KCNH1: variants seen among roughly 807,000 people sequenced by gnomAD.
The protein encoded by KCNH1 is potassium voltage-gated channel subfamily H member 1, also known as voltage-gated delayed rectifier potassium channel KCNH1.
In KCNH1, 27 loss-of-function variants were observed where a neutral mutation model predicts 69.2. The ratio of observed to expected loss-of-function variants is 0.39; its 90% CI spans 0.29 to 0.54. KCNH1 has a LOEUF of 0.54. Among genes scored for constraint, KCNH1 ranks in the 20% least tolerant of loss-of-function variants. The pLI, the probability that KCNH1 is intolerant of heterozygous loss-of-function variation, is 0.68. For synonymous variants in KCNH1, 456 were observed against 487.7 expected, an observed-to-expected ratio of 0.93 and a Z score of 0.86; for missense variants, 798 against 1,261.6, an observed-to-expected ratio of 0.63 and a Z score of 5.57.
chr1:211,021,200 T>C (rs973520105), intron 5 of KCNH1, among the ~76,000 whole-genome samples: 6 of 152,064 alleles, frequency 3.9e-5, no homozygotes, highest in African/African-American at 1.4e-4. Context: ...CAAAATTGGG[T>C]TCAGTGTATA....
intron 9 of KCNH1, among the ~76,000 whole-genome samples, chr1:210,797,196 C>T (rs1025803751): frequency 3.9e-5 from 6 of 152,202 alleles, no homozygotes; most frequent in Admixed American, 2.6e-4. Context: ...AGCCTTCCCA[C>T]TTGAATACTG....
intron 6 of KCNH1, among the ~76,000 whole-genome samples, chr1:211,000,855 A>G (rs1162605873): frequency 2.0e-5 from 3 of 152,072 alleles, no homozygotes; most frequent in Non-Finnish European, 2.9e-5. Flanking sequence ...CAGAAATAAT[A>G]CCACAAATCT....
intron 3 of KCNH1, among the ~76,000 whole-genome samples, chr1:211,102,441 G>A (rs1420082927): frequency 6.6e-6 from 1 of 152,112 alleles, no homozygotes; most frequent in Admixed American, 6.5e-5. Flanking sequence ...TAATAGTGGG[G>A]TGGGAACTAG....
intron 10 of KCNH1, among the ~76,000 whole-genome samples, chr1:210,757,570 G>A (rs1314777443): frequency 6.6e-6 from 1 of 152,198 alleles, no homozygotes; most frequent in Non-Finnish European, 1.5e-5. Flanking sequence ...CAAATCTCCA[G>A]TCAAGCTGGC....
chr1:210,970,061 T>A (rs1267068430), intron 6 of KCNH1, among the ~76,000 whole-genome samples: 1 of 152,062 alleles, frequency 6.6e-6, no homozygotes, highest in Non-Finnish European at 1.5e-5. Context: ...CACACCAAAC[T>A]AATTTTGTTT....
intron 10 of KCNH1, among the ~76,000 whole-genome samples, chr1:210,696,467 C>T (rs1681641865): frequency 6.6e-6 from 1 of 152,188 alleles, no homozygotes; most frequent in Non-Finnish European, 1.5e-5. Context: ...TTTCTGTTTT[C>T]CTGACTGGGT....
chr1:210,813,211 A>G (rs1049476889), intron 7 of KCNH1, among the ~76,000 whole-genome samples: 1 of 152,202 alleles, frequency 6.6e-6, no homozygotes. Context: ...AGTAACCTGA[A>G]TTGAATTAAA....
At chr1:210,743,430 C>T (rs958945864) in intron 10 of KCNH1, among the ~76,000 whole-genome samples, 1 of 152,180 alleles carries the variant, frequency 6.6e-6, no homozygotes, top group African/African-American at 2.4e-5. Flanking sequence ...CTGATCACCA[C>T]CTTAGCCTTG....
chr1:210,723,550 C>A (rs558800804), intron 10 of KCNH1, among the ~76,000 whole-genome samples: 11 of 152,258 alleles, frequency 7.2e-5, no homozygotes, highest in Non-Finnish European at 1.5e-4. Flanking sequence ...AGTTAGCAAC[C>A]CTGATGCCTT....
At chr1:211,029,342 A>AAC (rs1472218647) in intron 5 of KCNH1, among the ~76,000 whole-genome samples, 2 of 147,514 alleles carry the variant, frequency 1.4e-5, no homozygotes, top group Non-Finnish European at 3.0e-5. Context: ...CTTAAAAAAA[A>AAC]AAAAAAAAAA....
chr1:211,096,369 A>T (rs1371177029), intron 3 of KCNH1, among the ~76,000 whole-genome samples: 1 of 151,986 alleles, frequency 6.6e-6, no homozygotes, highest in Non-Finnish European at 1.5e-5. Context: ...TGGCCCCAAA[A>T]CTATCACTTT....
intron 5 of KCNH1, among the ~76,000 whole-genome samples, chr1:211,023,152 AAATAAATAAATT>A (rs201353335): frequency 0.11 from 13,681 of 125,470 alleles, 1,227 homozygotes; most frequent in East Asian, 0.42. Context: ...ATAAATAAAT[AAATAAATAAATT>A]AAAAATGCTG....
chr1:210,871,931 T>C (rs1053147329), intron 7 of KCNH1, among the ~76,000 whole-genome samples: 24 of 144,880 alleles, frequency 1.7e-4, no homozygotes, highest in African/African-American at 3.3e-4. Context: ...AGGGATAGCA[T>C]TGGGAGATAT....
intron 6 of KCNH1, among the ~76,000 whole-genome samples, chr1:210,965,958 G>T (rs1180971327): frequency 1.3e-5 from 2 of 152,130 alleles, no homozygotes; most frequent in Non-Finnish European, 2.9e-5. Context: ...AAAGCTGGAG[G>T]TATCACGCTA....
At chr1:210,754,965 G>A (rs552954141) in intron 10 of KCNH1, among the ~76,000 whole-genome samples, 1 of 152,196 alleles carries the variant, frequency 6.6e-6, no homozygotes, top group East Asian at 1.9e-4. Context: ...CAAACTTCCA[G>A]CCATGGGTGT....
intron 9 of KCNH1, among the ~76,000 whole-genome samples, chr1:210,788,286 G>A (rs1416561586): frequency 6.6e-6 from 1 of 152,050 alleles, no homozygotes; most frequent in Non-Finnish European, 1.5e-5. Context: ...ACTCATATAT[G>A]CATTTTGATC....
intron 10 of KCNH1, among the ~76,000 whole-genome samples, chr1:210,746,412 G>T (rs968958247): frequency 6.6e-6 from 1 of 152,074 alleles, no homozygotes; most frequent in Non-Finnish European, 1.5e-5. Flanking sequence ...TTACTAAATG[G>T]TACCTGTAGA....
At chr1:210,903,847 G>A (rs933336408) in intron 7 of KCNH1, among the ~76,000 whole-genome samples, 4 of 152,192 alleles carry the variant, frequency 2.6e-5, no homozygotes, top group Non-Finnish European at 4.4e-5. Context: ...TGGTAAAACA[G>A]AGGCATAGAA....
chr1:211,081,913 C>T (rs1690866953), intron 5 of KCNH1, among the ~76,000 whole-genome samples: 1 of 152,020 alleles, frequency 6.6e-6, no homozygotes. Context: ...ACATGTATAC[C>T]TATGTAATAA....
Sources: allele counts gnomAD v4.1 joint callset (sites outside exome capture counted in the v4.1 genomes callset), GRCh38; gene constraint gnomAD v4.1.1; transcripts MANE v1.5; gene names NCBI Gene and HGNC (gene_info 2026-07-23, HGNC 2026-07-21).